The following RGN variants were observed in gnomAD, a reference collection of about 807,000 sequenced individuals.
RGN encodes epididymis secretory protein Li 41.
RGN carries 19 observed loss-of-function variants against 20.6 expected under a neutral mutation model. The ratio of observed to expected loss-of-function variants is 0.92; its 90% CI spans 0.64 to 1.35. RGN has a LOEUF of 1.35. Among genes scored for constraint, RGN ranks in the 40% most tolerant of loss-of-function variants. RGN has a pLI of 0.00. For missense variants in RGN, 302 were observed against 232.7 expected (o/e 1.30, Z -1.94); for synonymous variants, 85 against 87.2 (o/e 0.97, Z 0.14).
chrX:47,079,237 G>A (rs1424787969), intron 1 of RGN, among the ~76,000 whole-genome samples: 9 of 109,952 alleles, frequency 8.2e-5, no homozygotes, highest in African/African-American at 2.6e-4. Context: ...TGGAATTACA[G>A]GCACGAGCCA....
At chrX:47,078,955 C>CTTTT (rs781962121) in intron 1 of RGN, among the ~76,000 whole-genome samples, 1 of 78,615 alleles carries the variant, frequency 1.3e-5, no homozygotes, top group Admixed American at 1.4e-4. Context: ...CCCACCCCCG[C>CTTTT]TTTTTTTTTT....
intron 1 of RGN, among the ~76,000 whole-genome samples, chrX:47,079,401 TTTTTG>T (rs1235080526): frequency 9.2e-6 from 1 of 108,150 alleles, no homozygotes; most frequent in Admixed American, 1.0e-4. Context: ...TTGGTTTCTG[TTTTTG>T]TTTTGTTTTG....
At position 47,093,134 on chromosome X, in the gene RGN, T is replaced by G. The variant is rs1556388601; in HGVS notation, c.*187T>G. The G allele has an allele frequency of 2.4e-6, 1 of 423,103 alleles. No individual in the cohort carries two copies. Among genetic ancestry groups the G allele is most frequent in the Admixed American group, 4.4e-5 (1 of 22,726 alleles). 34.9% of individuals were successfully genotyped at this position (423,103 alleles called of 1,213,427 possible). A position where few individuals can be genotyped will look rare whatever the true frequency, so the allele number is the denominator to read the frequency against. On this transcript the variant is annotated 3_prime_UTR_variant, in exon 8 of 8. Coordinates refer to ENST00000397180, the MANE Select transcript of RGN (RefSeq NM_152869.4). ...GTGACAGGTGGTTTTGATAACACAC[T>G]TATAAGGCTTTCTGTAAAAGGTACT...
intron 5 of RGN, among the ~76,000 whole-genome samples, chrX:47,091,309 G>A (rs1003624889): frequency 9.0e-6 from 1 of 111,532 alleles, no homozygotes; most frequent in Admixed American, 9.6e-5. Context: ...GTTGCCTTGC[G>A]GATCTCAAGA....
rs782003821 is a variant in RGN, at chrX:47,081,259, G to A, written c.115G>A (p.Val39Ile). The A allele has an allele frequency of 5.8e-6, 7 of 1,210,731 alleles. No homozygotes were observed. The highest frequency in any genetic ancestry group is 7.8e-6 in the Non-Finnish European group (7 of 894,849). The change falls in exon 3 of 8, where the codon GTT becomes ATT. Residue 39 changes from valine (V) to isoleucine (I), a missense_variant. Val to Ile is a conservative substitution (Grantham distance 29, BLOSUM62 3). Coordinates refer to ENST00000397180, the MANE Select transcript of RGN (RefSeq NM_152869.4). Reference sequence around the variant, plus strand: ...CTTTGTAGACATTCCTGCAAAAAAGGTTTGCCGGTGGGATTCATTCACCAA... The same window carrying A: ...CTTTGTAGACATTCCTGCAAAAAAGATTTGCCGGTGGGATTCATTCACCAA... ...LLFVDIPAKKVCRWDSFTKQV... is the reference protein window; with the variant it reads ...LLFVDIPAKKICRWDSFTKQV...
In RGN at chrX:47,090,927, A is replaced by AGAAG. The variant is rs1569540727; in HGVS notation, c.563-748_563-747insGGAA. Among the ~76,000 whole-genome samples, 71 of 31,180 alleles carry AGAAG rather than the reference A, an allele frequency of 2.3e-3. 5 individuals carry two copies. The highest frequency in any genetic ancestry group is 0.014 in the Middle Eastern group (1 of 69). The allele number at this position is 31,180 out of a possible 115,157, so 27.1% of individuals were successfully genotyped here. A position where few individuals can be genotyped will look rare whatever the true frequency, so the allele number is the denominator to read the frequency against. On this transcript the variant is annotated intron_variant, in intron 5 of 7. Transcript: ENST00000397180. ...AAAGAAAGAAGAAGGAAAGAAAGAA[A>AGAAG]GAAAGAAAGAAAGAAAGAAAGAAAG...
chrX:47,089,579 T>TTATA lies in RGN; in HGVS notation c.347-180_347-177dup, dbSNP rs1251687681. 3.9e-4 allele frequency among the ~76,000 whole-genome samples: 17 copies of TTATA among 44,135 alleles called. 1 individual carries two copies. Among genetic ancestry groups the TTATA allele is most frequent in the African/African-American group, 1.0e-3 (12 of 12,053 alleles). The allele number at this position is 44,135 out of a possible 115,157, so 38.3% of individuals were successfully genotyped here. On this transcript the variant is annotated intron_variant, in intron 4 of 7. Coordinates refer to ENST00000397180, the MANE Select transcript of RGN (RefSeq NM_152869.4). The stretch of plus-strand genomic sequence containing the variant: ...CTTATATATACATATTATATATACT[T>TTATA]TATATATATATATATATATACACAC...
chrX:47,085,872 G>A (rs1261607446), intron 4 of RGN, among the ~76,000 whole-genome samples: 1 of 111,768 alleles, frequency 8.9e-6, no homozygotes, highest in Admixed American at 9.6e-5. Flanking sequence ...CAAGAAAGAC[G>A]ACATATTCTT....
Position 47,081,206 on chromosome X carries a change from T to C in RGN, c.62T>C (p.Val21Ala), listed in dbSNP as rs1556381156. 1.7e-6 allele frequency: 2 copies of C among 1,202,628 alleles called. No homozygotes were observed. The highest frequency in any genetic ancestry group is 2.3e-6 in the Non-Finnish European group (2 of 888,747). Residue 21 changes from valine (V) to alanine (A), a missense_variant, in exon 3 of 8, where the codon GTA (valine) becomes GCA (alanine). Val to Ala is a moderately conservative substitution (Grantham distance 64). Transcript: ENST00000397180. ...AACTGCCGGTGTGGTGAGTCTCCAG[T>C]ATGGGAGGAAGTGTCCAACTCTCTG... ...PENCRCGESP[V>A]WEEVSNSLLF...
rs1931078389 is a variant in RGN, at chrX:47,092,949, G to A, written c.*2G>A. ...GCTCCCTACTCCTATGCGGGATGAG[G>A]ACAGGTCTTCTTTCCTGCCAGAGGG... On this transcript the variant is annotated 3_prime_UTR_variant, in exon 8 of 8. Transcript: ENST00000397180. The A allele has an allele frequency of 7.5e-6, 9 of 1,197,073 alleles. 1 individual carries two copies. In the South Asian group the frequency reaches 1.6e-4, roughly 21 times the overall value.
intron 5 of RGN, 133 bp downstream of exon 5, chrX:47,090,124 C>G: frequency 2.4e-6 from 1 of 411,941 alleles, no homozygotes. Flanking sequence ...TGCTACTATT[C>G]TAATATAGTA....
rs185066604 is a variant in RGN, at chrX:47,082,604, C to T, written c.163+1297C>T. Among the ~76,000 whole-genome samples, 90 of 111,401 alleles carry T rather than the reference C, an allele frequency of 8.1e-4. 1 individual carries two copies. Among genetic ancestry groups the T allele is most frequent in the Admixed American group, 1.4e-3 (15 of 10,410 alleles). ...CTGAGATTACAGGTGTGGGCCACCA[C>T]GCCCAGCCTTAAACTTCTTTATTTT... On this transcript the variant is annotated intron_variant, in intron 3 of 7. Transcript: ENST00000397180.
Position 47,091,628 on chromosome X carries a change from G to A in RGN, c.563-50G>A, listed in dbSNP as rs376834455. The A allele has an allele frequency of 6.0e-6, 7 of 1,171,034 alleles. No individual in the cohort carries two copies. In the African/African-American group the frequency reaches 1.3e-4, roughly 21 times the overall value. On this transcript the variant is annotated intron_variant, in intron 5 of 7. Transcript: ENST00000397180. ...TCGGTTTGATTCTCAGTATTTAGTG[G>A]CCTGTTGTTTTGTTGTGGTTCTGTT... is the stretch of plus-strand genomic sequence containing the variant.
Position 47,089,882 on chromosome X carries a change from C to A in RGN, c.453C>A (p.Asp151Glu). 8.3e-7 allele frequency: 1 copy of A among 1,208,543 alleles called. No homozygotes were observed. The highest frequency in any genetic ancestry group is 1.8e-5 in the South Asian group (1 of 56,858). ...TGAAAAAGTACTTTGACCAGGTGGA[C>A]ATTTCCAATGGTTTGGATTGGTCGC... ...HHVKKYFDQV[D>E]ISNGLDWSLD... Residue 151 changes from aspartate to glutamate, a missense_variant, in exon 5 of 8, where the codon GAC becomes GAA. Transcript: ENST00000397180.
At position 47,081,180 on chromosome X, in the gene RGN, G is replaced by C. The variant is rs782713186; in HGVS notation, c.36G>C (p.Glu12Asp). Residue 12 changes from glutamate to aspartate, a missense_variant, in exon 3 of 8, where the codon GAG becomes GAC. Glu to Asp is a conservative substitution (Grantham distance 45). Transcript: ENST00000397180. Reference protein sequence around the residue: ...SSIKIECVLPENCRCGESPVW... With the variant: ...SSIKIECVLPDNCRCGESPVW... The stretch of plus-strand genomic sequence containing the variant: ...TTAAGATTGAGTGTGTTTTGCCAGA[G>C]AACTGCCGGTGTGGTGAGTCTCCAG... The C allele has an allele frequency of 4.1e-6, 5 of 1,206,442 alleles. No individual in the cohort carries two copies. The highest frequency in any genetic ancestry group is 2.3e-4 in the Middle Eastern group (1 of 4,343).
chrX:47,091,605 G>A (rs5906327), intron 5 of RGN, 73 bp from the exon 6 acceptor site: 2 of 1,106,261 alleles, frequency 1.8e-6, no homozygotes, highest in Non-Finnish European at 2.4e-6. Flanking sequence ...GAGAGCTCTC[G>A]GTTTGATTCT....
At chrX:47,079,106 C>T (rs1159810315) in intron 1 of RGN, among the ~76,000 whole-genome samples, 1 of 108,765 alleles carries the variant, frequency 9.2e-6, no homozygotes, top group Non-Finnish European at 1.9e-5. Context: ...ACCACAGGCT[C>T]GAACCACTAA....
At chrX:47,088,487 T>G (rs1454375447) in intron 4 of RGN, among the ~76,000 whole-genome samples, 2 of 110,987 alleles carry the variant, frequency 1.8e-5, no homozygotes, top group African/African-American at 6.5e-5. Flanking sequence ...GCTTCCCATC[T>G]ACATTGTCTC....
chrX:47,086,334 A>T (rs782494834), intron 4 of RGN, among the ~76,000 whole-genome samples: 97 of 111,946 alleles, frequency 8.7e-4, no homozygotes, highest in African/African-American at 3.1e-3. Flanking sequence ...TTTGATCACC[A>T]GGTTAAGGCC....
Sources: gnomAD v4.1 joint callset for allele counts (sites outside exome capture counted in the v4.1 genomes callset) on GRCh38, gnomAD v4.1.1 for gene constraint, MANE v1.5 for transcripts, NCBI Gene and HGNC (gene_info 2026-07-23, HGNC 2026-07-21) for gene names.